SLC22A23: variants seen among roughly 807,000 people sequenced by gnomAD.
SLC22A23 encodes ion transporter protein.
SLC22A23 carries 26 observed loss-of-function variants against 61.0 expected under a neutral mutation model. That is an observed-to-expected ratio of 0.43 (90% CI 0.31 to 0.59). The LOEUF (loss-of-function observed/expected upper bound fraction) is 0.59. Ranked by LOEUF, SLC22A23 falls within the 20% of genes least tolerant of loss-of-function variation. The pLI, the probability that SLC22A23 is intolerant of heterozygous loss-of-function variation, is 0.11. For synonymous variants in SLC22A23, 430 were observed against 413.9 expected (o/e 1.04, Z -0.47); for missense variants, 796 against 934.7 (o/e 0.85, Z 1.94).
rs116587114 is a variant in SLC22A23 at position 3,324,429 on chromosome 6, C to T, written c.914-427G>A. 3.0e-4 allele frequency among the ~76,000 whole-genome samples: 45 copies of T among 152,220 alleles called. No individual in the cohort carries two copies. Among genetic ancestry groups the T allele is most frequent in the African/African-American group, 1.1e-3 (44 of 41,522 alleles). ...GATGCTGTATTAGGGGCCATCTCGA[C>T]CTCTAGACAGGACACCAGGCATGCC... On this transcript the variant is annotated intron_variant, in intron 3 of 9. Transcript: ENST00000406686. The surrounding 1 kb of genome is among the most constrained non-coding windows in gnomAD (Gnocchi z 4.3).
intron 1 of SLC22A23, chr6:3,444,678 C>T (rs77512408): frequency 0.054 from 31,345 of 581,436 alleles, 985 homozygotes; most frequent in Non-Finnish European, 0.061. Flanking sequence ...TTTCTGATCC[C>T]GGCCTCTCTC....
chr6:3,346,154 G>A (rs1244740469), intron 3 of SLC22A23, among the ~76,000 whole-genome samples: 2 of 152,122 alleles, frequency 1.3e-5, no homozygotes, highest in Non-Finnish European at 2.9e-5. Flanking sequence ...GCTCCTGGAC[G>A]TTCAAGGGCA....
intron 5 of SLC22A23, among the ~76,000 whole-genome samples, chr6:3,293,757 G>A (rs1045808589): frequency 6.6e-6 from 1 of 152,224 alleles, no homozygotes; most frequent in Non-Finnish European, 1.5e-5. Context: ...GAACGTGGAG[G>A]TGGCCTGACA....
At chr6:3,349,261 C>T (rs1040349431) in intron 3 of SLC22A23, among the ~76,000 whole-genome samples, 3 of 152,204 alleles carry the variant, frequency 2.0e-5, no homozygotes, top group Non-Finnish European at 2.9e-5. Flanking sequence ...GCTGGGGCTT[C>T]GGACTGGGCA....
intron 3 of SLC22A23, among the ~76,000 whole-genome samples, chr6:3,383,493 C>T (rs1767084159): frequency 6.6e-6 from 1 of 152,200 alleles, no homozygotes; most frequent in African/African-American, 2.4e-5. Context: ...TTAAATAAAA[C>T]CAAACCATGT....
At chr6:3,323,671 T>C (rs1763099019) in intron 4 of SLC22A23, 163 bp downstream of exon 4, 2 of 814,280 alleles carry the variant, frequency 2.5e-6, no homozygotes, top group Non-Finnish European at 3.8e-6. Context: ...AGACAGAAAG[T>C]TTAAACAATA....
At chr6:3,315,551 G>A (rs77777774) in intron 4 of SLC22A23, among the ~76,000 whole-genome samples, 4 of 152,198 alleles carry the variant, frequency 2.6e-5, no homozygotes, top group South Asian at 4.1e-4. Flanking sequence ...ACACAGTCTC[G>A]AACCCTATTT....
rs1758436802 is a variant in SLC22A23, at chr6:3,270,953, A to G, written c.*2102T>C. The stretch of plus-strand genomic sequence containing the variant: ...GCAGGGTGGCCTGGTGCTGAGGGTG[A>G]TGGGTGCAGACGTACACCTGTCCAG... On this transcript the variant is annotated 3_prime_UTR_variant, in exon 10 of 10. Transcript: ENST00000406686. 6.6e-6 allele frequency: 1 copy of G among 152,440 alleles called. No individual in the cohort carries two copies. The highest frequency in any genetic ancestry group is 2.4e-5 in the African/African-American group (1 of 41,444). The allele number at this position is 152,440 out of a possible 1,614,324, so 9.4% of individuals were successfully genotyped here.
intron 1 of SLC22A23, among the ~76,000 whole-genome samples, chr6:3,425,282 A>ATTT (rs377073694): frequency 2.7e-5 from 3 of 112,390 alleles, no homozygotes; most frequent in Admixed American, 1.8e-4. Flanking sequence ...ACAATGAATA[A>ATTT]TTCTTTTTTT....
In SLC22A23 at chr6:3,308,986, C is replaced by T. The variant is rs777405308; in HGVS notation, c.1083-10768G>A. On this transcript the variant is annotated intron_variant, in intron 4 of 9. Transcript: ENST00000406686. This position sits in a 1 kb window ranked among gnomAD's most constrained non-coding sequence, Gnocchi z 5.1. ...CCAACCAAAAAACCCCAACAACCCACAGTGTGGATCGGCAGGTCCCTAACC... is the reference window on the plus strand; with the variant it reads ...CCAACCAAAAAACCCCAACAACCCATAGTGTGGATCGGCAGGTCCCTAACC... Among the ~76,000 whole-genome samples the T allele has an allele frequency of 4.6e-5, 7 of 151,662 alleles. No individual in the cohort carries two copies. Among genetic ancestry groups the T allele is most frequent in the Non-Finnish European group, 7.4e-5 (5 of 67,934 alleles).
intron 6 of SLC22A23, among the ~76,000 whole-genome samples, chr6:3,288,007 C>T (rs573093439): frequency 3.3e-5 from 5 of 152,278 alleles, no homozygotes; most frequent in Admixed American, 6.5e-5. Flanking sequence ...CTTAATTTAT[C>T]CCTGTTTCCC....
In SLC22A23 at chr6:3,275,064, C is replaced by T. The variant is rs1269774477; in HGVS notation, c.1704-1652G>A. On this transcript the variant is annotated intron_variant, in intron 9 of 9. Transcript: ENST00000406686. ...GAAAAGAACAAAGAAGGCTTGCCTT[C>T]CCAGTTTCAAAACTATAAAGCCATA... 2.6e-5 allele frequency among the ~76,000 whole-genome samples: 4 copies of T among 152,078 alleles called. No individual in the cohort carries two copies. In the East Asian group the frequency reaches 7.7e-4, roughly 29 times the overall value.
chr6:3,284,901 A>T, intron 8 of SLC22A23, 178 bp downstream of exon 8: 1 of 1,537,550 alleles, frequency 6.5e-7, no homozygotes. Context: ...TAGAGGCAAG[A>T]GGGAGAATAC....
At chr6:3,340,642 T>C (rs1302840616) in intron 3 of SLC22A23, among the ~76,000 whole-genome samples, 1 of 152,144 alleles carries the variant, frequency 6.6e-6, no homozygotes, top group Non-Finnish European at 1.5e-5. Flanking sequence ...CAAGGTCCCA[T>C]GTGAAAAAGC....
At chr6:3,357,432 G>A (rs147928173) in intron 3 of SLC22A23, among the ~76,000 whole-genome samples, 2,635 of 152,298 alleles carry the variant, frequency 0.017, 35 homozygotes, top group Middle Eastern at 0.051. Flanking sequence ...ATACAAAGTA[G>A]GTGTGTTCTT....
In SLC22A23 at chr6:3,273,135, AGTC is replaced by A. The variant is rs755975633; in HGVS notation, c.1978_1980del (p.Asp660del). ...GCTGCGGCATCGTGGAGGCCCGAGTAGTCCTTGAGCTCGGCGTTGGTGAGCAGC... is the reference window on the plus strand; with the variant it reads ...GCTGCGGCATCGTGGAGGCCCGAGTACTTGAGCTCGGCGTTGGTGAGCAGC... On this transcript the variant is annotated inframe_deletion, in exon 10 of 10. Transcript: ENST00000406686. 12 of 1,609,912 alleles carry A rather than the reference AGTC, an allele frequency of 7.5e-6. No individual in the cohort carries two copies. In the East Asian group the frequency reaches 2.5e-4, roughly 33 times the overall value.
chr6:3,335,915 C>T (rs565701620), intron 3 of SLC22A23, among the ~76,000 whole-genome samples: 25 of 152,194 alleles, frequency 1.6e-4, no homozygotes, highest in Middle Eastern at 3.4e-3. Context: ...CGGTGAAATC[C>T]CGTCTCTACT....
intron 3 of SLC22A23, among the ~76,000 whole-genome samples, chr6:3,353,925 A>G (rs1314874954): frequency 6.6e-6 from 1 of 152,198 alleles, no homozygotes; most frequent in East Asian, 1.9e-4. Flanking sequence ...ATCCCAGACT[A>G]CCAACTTTTC....
rs1761234006 is a variant in SLC22A23 at position 3,297,690 on chromosome 6, G to A, written c.1210+401C>T. 6.6e-6 allele frequency among the ~76,000 whole-genome samples: 1 copy of A among 152,186 alleles called. No homozygotes were observed. Among genetic ancestry groups the A allele is most frequent in the African/African-American group, 2.4e-5 (1 of 41,432 alleles). On this transcript the variant is annotated intron_variant, in intron 5 of 9. Coordinates refer to ENST00000406686, the MANE Select transcript of SLC22A23 (RefSeq NM_015482.2). This position sits in a 1 kb window ranked among gnomAD's most constrained non-coding sequence, Gnocchi z 4.3. ...TAGGTCATGGCCAGGTAAAGACAAT[G>A]GTGGCTCTCTGAAGGTCATGCTCAG...
Sources: allele counts gnomAD v4.1 joint callset (sites outside exome capture counted in the v4.1 genomes callset), GRCh38; gene constraint gnomAD v4.1.1; non-coding constraint Gnocchi (gnomAD v3.1); transcripts MANE v1.5; gene names NCBI Gene and HGNC (gene_info 2026-07-23, HGNC 2026-07-21).